The following NOS1 variants were observed in gnomAD, a reference collection of about 807,000 sequenced individuals.
NOS1 encodes the protein nitric oxide synthase 1.
A neutral mutation model predicts 164.5 loss-of-function variants in NOS1; 51 were observed. The observed-to-expected ratio is 0.31, with a 90% CI of 0.25 to 0.39. The LOEUF (loss-of-function observed/expected upper bound fraction) is 0.39, where lower values mean the gene tolerates loss of function less well. NOS1 is among the 10% of genes least tolerant of loss of function. The probability of loss-of-function intolerance (pLI) is 1.00; values close to 1 mark genes in which losing one functional copy is unlikely to be tolerated. For missense variants in NOS1, 1,362 were observed against 1,885.6 expected (o/e 0.72, Z 5.14); for synonymous variants, 719 against 745.8 (o/e 0.96, Z 0.59).
At chr12:117,260,174 C>T (rs1477893331) in intron 14 of NOS1, among the ~76,000 whole-genome samples, 1 of 151,452 alleles carries the variant, frequency 6.6e-6, no homozygotes, top group Non-Finnish European at 1.5e-5. Context: ...AAAAAACCAT[C>T]GAGCTGTACT....
intron 3 of NOS1, among the ~76,000 whole-genome samples, chr12:117,307,410 G>C (rs1404631516): frequency 6.6e-6 from 1 of 152,110 alleles, no homozygotes; most frequent in Non-Finnish European, 1.5e-5. Flanking sequence ...ACCCAGGCTG[G>C]AGTGCAGTGG....
chr12:117,223,084 GGAAGGAGGT>G (rs1033934953), intron 25 of NOS1, among the ~76,000 whole-genome samples: 58 of 152,196 alleles, frequency 3.8e-4, no homozygotes, highest in African/African-American at 1.3e-3. Flanking sequence ...CACGCACTGA[GGAAGGAGGT>G]GAAGTGTGTT....
intron 1 of NOS1, among the ~76,000 whole-genome samples, chr12:117,336,776 A>G (rs1324465241): frequency 6.6e-6 from 1 of 152,150 alleles, no homozygotes; most frequent in African/African-American, 2.4e-5. Context: ...ATGAAAGTTA[A>G]TTTTCCCCAT....
chr12:117,350,333 C>T (rs1417747067), intron 1 of NOS1, among the ~76,000 whole-genome samples: 1 of 152,180 alleles, frequency 6.6e-6, no homozygotes, highest in Non-Finnish European at 1.5e-5. Context: ...ATTCAACAGG[C>T]ACTTACTAGT....
At position 117,218,333 on chromosome 12, in the gene NOS1, C is replaced by T. The variant is rs1956643979; in HGVS notation, c.4171-169G>A. Among the ~76,000 whole-genome samples, 3 of 152,242 alleles carry T rather than the reference C, an allele frequency of 2.0e-5. No individual in the cohort carries two copies. In the South Asian group the frequency reaches 6.2e-4, roughly 32 times the overall value. Reference sequence around the variant, plus strand: ...GGTACCTTTGATCTCGAAGACTCTGCTCAGCAAAACTGTTCTCTGGGACGT... The same window carrying T: ...GGTACCTTTGATCTCGAAGACTCTGTTCAGCAAAACTGTTCTCTGGGACGT... On this transcript the variant is annotated intron_variant, in intron 27 of 28. Transcript: ENST00000317775.
chr12:117,271,514 T>G (rs1257978183), intron 10 of NOS1, among the ~76,000 whole-genome samples: 1 of 152,146 alleles, frequency 6.6e-6, no homozygotes, highest in Non-Finnish European at 1.5e-5. Context: ...CAGGCTGTGA[T>G]CAGCCTGCCT....
At chr12:117,278,170 G>A (rs1019760658) in intron 8 of NOS1, 72 bp from the exon 9 acceptor site, 6 of 1,489,514 alleles carry the variant, frequency 4.0e-6, no homozygotes, top group African/African-American at 2.8e-5. Flanking sequence ...TGTGGGAAGC[G>A]GGGGTGGGGT....
At chr12:117,262,959 T>C (rs1872061962) in intron 13 of NOS1, among the ~76,000 whole-genome samples, 1 of 152,022 alleles carries the variant, frequency 6.6e-6, no homozygotes, top group Admixed American at 6.6e-5. Flanking sequence ...AATTGTCACC[T>C]CCTCCAGGAA....
rs917437477 is a variant in NOS1, at chr12:117,356,484, T to A, written c.-421+5028A>T. Reference sequence around the variant, plus strand: ...TCACCTCCACCTCTCTTGCAGAAACTTCACGCCAGGTACAGGGTTTGTCTG... The same window carrying A: ...TCACCTCCACCTCTCTTGCAGAAACATCACGCCAGGTACAGGGTTTGTCTG... On this transcript the variant is annotated intron_variant, in intron 1 of 28. Transcript: ENST00000317775. The surrounding 1 kb of genome is among the most constrained non-coding windows in gnomAD (Gnocchi z 4.2). Among the ~76,000 whole-genome samples the A allele has an allele frequency of 6.6e-6, 1 of 152,180 alleles. No homozygotes were observed. The highest frequency in any genetic ancestry group is 1.5e-5 in the Non-Finnish European group (1 of 68,040).
intron 18 of NOS1, among the ~76,000 whole-genome samples, chr12:117,245,103 C>T (rs2135957385): frequency 6.6e-6 from 1 of 152,312 alleles, no homozygotes; most frequent in South Asian, 2.1e-4. Flanking sequence ...ACCTGGAAAT[C>T]TTTATAGCCC....
At chr12:117,306,018 C>G (rs577145037) in intron 3 of NOS1, among the ~76,000 whole-genome samples, 29 of 152,110 alleles carry the variant, frequency 1.9e-4, no homozygotes, top group African/African-American at 5.1e-4. Flanking sequence ...TTTCGAACTC[C>G]CGACCTCAGG....
chr12:117,274,755 G>A (rs575417751), intron 9 of NOS1, among the ~76,000 whole-genome samples: 18 of 104,934 alleles, frequency 1.7e-4, no homozygotes, highest in East Asian at 3.0e-4. Context: ...GGGCTGGAGT[G>A]ACACTCCGTC....
Position 117,214,387 on chromosome 12 carries a change from A to C in NOS1, c.*922T>G, listed in dbSNP as rs1312597947. 1 of 985,296 alleles carries C rather than the reference A, an allele frequency of 1.0e-6. No individual in the cohort carries two copies. The highest frequency in any genetic ancestry group is 1.2e-6 in the Non-Finnish European group (1 of 829,958). The allele number at this position is 985,296 out of a possible 1,614,324, so 61.0% of individuals were successfully genotyped here. On this transcript the variant is annotated 3_prime_UTR_variant, in exon 29 of 29. Transcript: ENST00000317775. ...TTGCCACCAGGCTTCTTTGAACAAC[A>C]TAACTTCCAGGCCCCTTGGATGCTA...
At chr12:117,352,925 T>C (rs927458111) in intron 1 of NOS1, among the ~76,000 whole-genome samples, 8 of 152,182 alleles carry the variant, frequency 5.3e-5, no homozygotes, top group Non-Finnish European at 1.0e-4. Flanking sequence ...AAGAATGGTG[T>C]AAAAACACCC....
At chr12:117,262,280 A>AG (rs1871969225) in intron 13 of NOS1, among the ~76,000 whole-genome samples, 1 of 152,064 alleles carries the variant, frequency 6.6e-6, no homozygotes, top group African/African-American at 2.4e-5. Flanking sequence ...CTTTCCCCCC[A>AG]GAGACAGTGG....
intron 7 of NOS1, among the ~76,000 whole-genome samples, 191 bp downstream of exon 7, chr12:117,285,049 CA>C (rs10655356): frequency 0.36 from 47,847 of 134,340 alleles, 8,270 homozygotes; most frequent in Middle Eastern, 0.41. Context: ...GACTCTGTCT[CA>C]AAAAAAAAAA....
At chr12:117,253,552 A>G (rs1871238553) in intron 17 of NOS1, 86 bp downstream of exon 17, 1 of 894,208 alleles carries the variant, frequency 1.1e-6, no homozygotes, top group Non-Finnish European at 1.8e-6. Flanking sequence ...ACCTCTCCAC[A>G]ACGAAGCGCT....
chr12:117,329,652 G>A (rs1255814339), intron 2 of NOS1, among the ~76,000 whole-genome samples: 1 of 152,152 alleles, frequency 6.6e-6, no homozygotes, highest in East Asian at 1.9e-4. Context: ...TCTGTTGCCA[G>A]CTTTCCACCT....
chr12:117,221,715 C>A (rs989274918), intron 26 of NOS1, among the ~76,000 whole-genome samples: 2 of 151,532 alleles, frequency 1.3e-5, no homozygotes, highest in African/African-American at 4.9e-5. Context: ...CTCACTGAAG[C>A]CTTGACCTCC....
Sources: gnomAD v4.1 joint callset for allele counts (sites outside exome capture counted in the v4.1 genomes callset) on GRCh38, gnomAD v4.1.1 for gene constraint, Gnocchi (gnomAD v3.1) non-coding constraint, MANE v1.5 for transcripts, NCBI Gene and HGNC (gene_info 2026-07-23, HGNC 2026-07-21) for gene names.